MARCO: variants seen among roughly 807,000 people sequenced by gnomAD.
MARCO encodes macrophage receptor MARCO.
MARCO carries 72 observed loss-of-function variants against 70.0 expected under a neutral mutation model. The observed-to-expected ratio is 1.03, with a 90% CI of 0.85 to 1.25. MARCO has a LOEUF of 1.25. Among genes scored for constraint, MARCO ranks in the 50% most tolerant of loss-of-function variants. MARCO has a pLI of 0.00. For synonymous variants in MARCO, 273 were observed against 243.1 expected, an observed-to-expected ratio of 1.12 and a Z score of -1.14; for missense variants, 696 against 659.3, an observed-to-expected ratio of 1.06 and a Z score of -0.61.
rs1441107671 is a variant in MARCO at position 118,986,673 on chromosome 2, G to GAAAA, written c.1064-3913_1064-3912insAAAA. On this transcript the variant is annotated intron_variant, in intron 12 of 16. Coordinates refer to ENST00000327097, the MANE Select transcript of MARCO (RefSeq NM_006770.4). ...AGAAAGAAGGAAGGAAGGAAGGAAG[G>GAAAA]AAAGAAAGAAAGAAAGAAAGAAAGA... is the stretch of plus-strand genomic sequence containing the variant. Among the ~76,000 whole-genome samples the GAAAA allele has an allele frequency of 1.9e-3, 76 of 40,384 alleles. 13 individuals carry two copies. Among genetic ancestry groups the GAAAA allele is most frequent in the African/African-American group, 0.012 (74 of 6,400 alleles). The allele number at this position is 40,384 out of a possible 152,430, so 26.5% of individuals were successfully genotyped here.
At position 118,977,875 on chromosome 2, in the gene MARCO, C is replaced by G. The variant is rs1317203518; in HGVS notation, c.706C>G (p.Leu236Val). 6.2e-7 allele frequency: 1 copy of G among 1,612,892 alleles called. No individual in the cohort carries two copies. The highest frequency in any genetic ancestry group is 1.3e-5 in the African/African-American group (1 of 74,878). The part of the protein sequence containing the change: ...GEKGSKGDGG[L>V]IGPKGETGTK... ...GAAGGGCAGCAAAGGCGATGGGGGT[C>G]TCATTGGCCCAAAAGGGGAAACTGG... The change falls in exon 8 of 17, where the codon CTC becomes GTC. Residue 236 changes from leucine to valine, a missense_variant. By Grantham distance (32) the Leu-to-Val change is conservative. Around this residue, in one of 3 missense-constraint regions of MARCO, gnomAD observed 605 missense variants for 537.6 expected, o/e 1.13. Transcript: ENST00000327097.
intron 13 of MARCO, among the ~76,000 whole-genome samples, chr2:118,991,244 T>A (rs940024237): frequency 3.6e-5 from 5 of 139,646 alleles, no homozygotes; most frequent in African/African-American, 1.3e-4. Flanking sequence ...TATTCTATTA[T>A]GTTTTATGGT....
At chr2:118,946,225 T>C (rs1679595739) in intron 1 of MARCO, among the ~76,000 whole-genome samples, 1 of 152,180 alleles carries the variant, frequency 6.6e-6, no homozygotes. Context: ...CTGATATTGG[T>C]GCAATCCATA....
At chr2:118,964,974 T>G (rs2104570133) in intron 1 of MARCO, among the ~76,000 whole-genome samples, 1 of 152,292 alleles carries the variant, frequency 6.6e-6, no homozygotes, top group Middle Eastern at 3.4e-3. Flanking sequence ...CCTTAGATGT[T>G]TAATTTTCTC....
At chr2:118,962,796 G>T (rs1679974601) in intron 1 of MARCO, among the ~76,000 whole-genome samples, 1 of 151,916 alleles carries the variant, frequency 6.6e-6, no homozygotes. Flanking sequence ...AATGATTATA[G>T]ATATTCAGAT....
chr2:118,945,277 G>A (rs1679573659), intron 1 of MARCO, among the ~76,000 whole-genome samples: 1 of 152,056 alleles, frequency 6.6e-6, no homozygotes, highest in African/African-American at 2.4e-5. Context: ...AGCAATCTGT[G>A]TCTGGCTTTA....
chr2:118,944,831 C>T (rs1213753661), intron 1 of MARCO: 1 of 152,126 alleles, frequency 6.6e-6, no homozygotes, highest in Non-Finnish European at 1.5e-5. Flanking sequence ...CCTCTAGAAG[C>T]ACAGTGCAAC....
chr2:118,946,754 T>G (rs1370753674), intron 1 of MARCO, among the ~76,000 whole-genome samples: 2 of 152,250 alleles, frequency 1.3e-5, no homozygotes, highest in African/African-American at 4.8e-5. Flanking sequence ...TTTTCCAGTG[T>G]GACTATACCA....
chr2:118,947,875 T>A (rs1025123279), intron 1 of MARCO, among the ~76,000 whole-genome samples: 1 of 152,240 alleles, frequency 6.6e-6, no homozygotes, highest in Non-Finnish European at 1.5e-5. Context: ...TACAAAAAGA[T>A]CTTGCTGAAA....
chr2:118,986,739 A>AAAGAAAGAAAGAAAGG lies in MARCO; in HGVS notation c.1064-3850_1064-3849insAAGAAAGAAAGAAAGG, dbSNP rs137896575. ...AAAGAAAGAAAAGAAAGAAAGAAAG[A>AAAGAAAGAAAGAAAGG]GAAAGAAAGAGAAAGAAAGAAGAAA... is the stretch of plus-strand genomic sequence containing the variant. On this transcript the variant is annotated intron_variant, in intron 12 of 16. Coordinates refer to ENST00000327097, the MANE Select transcript of MARCO (RefSeq NM_006770.4). Among the ~76,000 whole-genome samples the AAAGAAAGAAAGAAAGG allele has an allele frequency of 3.9e-5, 5 of 127,150 alleles. 1 individual carries two copies. Among genetic ancestry groups the AAAGAAAGAAAGAAAGG allele is most frequent in the African/African-American group, 1.7e-4 (4 of 23,624 alleles). 83.4% of individuals were successfully genotyped at this position (127,150 alleles called of 152,430 possible).
At chr2:118,943,256 G>A (rs750876171) in intron 1 of MARCO, among the ~76,000 whole-genome samples, 13 of 152,196 alleles carry the variant, frequency 8.5e-5, no homozygotes, top group African/African-American at 2.7e-4. Context: ...AAGATGAAGC[G>A]TCTGGGGCTC....
At chr2:118,993,946 G>T (rs1401937301) in intron 16 of MARCO, among the ~76,000 whole-genome samples, 1 of 152,136 alleles carries the variant, frequency 6.6e-6, no homozygotes, top group African/African-American at 2.4e-5. Flanking sequence ...AGTTTCCCTT[G>T]CTCCCAGCCC....
intron 12 of MARCO, among the ~76,000 whole-genome samples, chr2:118,983,168 G>A (rs1217269574): frequency 1.3e-5 from 2 of 152,198 alleles, no homozygotes; most frequent in African/African-American, 4.8e-5. Context: ...GCCAAGAGCG[G>A]GCAGGAGGGG....
At position 118,993,142 on chromosome 2, in the gene MARCO, T is replaced by C; in HGVS notation, c.1271T>C (p.Val424Ala). The change falls in exon 16 of 17, where the codon GTC becomes GCC. Residue 424 changes from valine (V) to alanine (A), a missense_variant. This residue lies in a region of MARCO where 605 missense variants were observed against 537.6 expected (regional missense o/e 1.13). Transcript: ENST00000327097. The stretch of plus-strand genomic sequence containing the variant: ...CACCCAGGTGAAAACTCAGTGTCCG[T>C]CAGGATTGTCGGCAGTAGTAACCGA... Reference protein sequence around the residue: ...KGERGENSVSVRIVGSSNRGR... With the variant: ...KGERGENSVSARIVGSSNRGR... The C allele has an allele frequency of 1.2e-6, 2 of 1,614,234 alleles. No individual in the cohort carries two copies. The highest frequency in any genetic ancestry group is 1.7e-6 in the Non-Finnish European group (2 of 1,180,032).
At chr2:118,991,932 T>G in intron 14 of MARCO, 57 bp downstream of exon 14, 4 of 1,235,452 alleles carry the variant, frequency 3.2e-6, no homozygotes, top group Non-Finnish European at 4.6e-6. Flanking sequence ...CAGCCAGTTC[T>G]GTACCTTAAA....
chr2:118,960,110 A>G (rs1311655892), intron 1 of MARCO, among the ~76,000 whole-genome samples: 1 of 132,246 alleles, frequency 7.6e-6, no homozygotes, highest in African/African-American at 3.4e-5. Context: ...TTATGGAAAA[A>G]TAAAATAAAA....
Position 118,975,803 on chromosome 2 carries a change from C to G in MARCO, c.613+1238C>G, listed in dbSNP as rs375982660. 6.6e-5 allele frequency among the ~76,000 whole-genome samples: 10 copies of G among 152,320 alleles called. No individual in the cohort carries two copies. The East Asian group carries it at 7.7e-4, about 12-fold the overall frequency. Reference sequence around the variant, plus strand: ...ATACACGCATATACTCATGCACACCCGTGTCTGAGCACACATCTATGTACA... The same window carrying G: ...ATACACGCATATACTCATGCACACCGGTGTCTGAGCACACATCTATGTACA... On this transcript the variant is annotated intron_variant, in intron 6 of 16. Coordinates refer to ENST00000327097, the MANE Select transcript of MARCO (RefSeq NM_006770.4).
chr2:118,968,457 T>C (rs1400083873), intron 1 of MARCO, among the ~76,000 whole-genome samples: 1 of 152,204 alleles, frequency 6.6e-6, no homozygotes, highest in South Asian at 2.1e-4. Context: ...TTTGTAAGAT[T>C]AAAAGAAAAA....
rs1257327843 is a variant in MARCO at position 118,974,566 on chromosome 2, G to T, written c.613+1G>T. 6.2e-7 allele frequency: 1 copy of T among 1,612,696 alleles called. No individual in the cohort carries two copies. The highest frequency in any genetic ancestry group is 1.1e-5 in the South Asian group (1 of 90,806). ...CCACCGGGAGTCAAGGGAGAGGCGG[G>T]TGAGTAGGTGCTGGGTATGTACCCA... On this transcript the variant is annotated splice_donor_variant, in intron 6 of 16. Coordinates refer to ENST00000327097, the MANE Select transcript of MARCO (RefSeq NM_006770.4). LOFTEE classifies it high-confidence loss of function.
Sources: gnomAD v4.1 joint callset for allele counts (sites outside exome capture counted in the v4.1 genomes callset) on GRCh38, gnomAD v4.1.1 for gene constraint, gnomAD v4.1.1 regional missense constraint, MANE v1.5 for transcripts, NCBI Gene and HGNC (gene_info 2026-07-23, HGNC 2026-07-21) for gene names.